Variants in TNKS1BP1 observed in about 807,000 individuals in gnomAD.
The protein encoded by TNKS1BP1 is CCR4-NOT transcription complex subunit 12.
TNKS1BP1 carries 48 observed loss-of-function variants against 141.1 expected under a neutral mutation model. The observed-to-expected ratio is 0.34, with a 90% CI of 0.27 to 0.43. The LOEUF is 0.43. TNKS1BP1 is among the 20% of genes least tolerant of loss of function. The probability of loss-of-function intolerance (pLI) is 1.00; values close to 1 mark genes in which losing one functional copy is unlikely to be tolerated. For missense variants in TNKS1BP1, 2,149 were observed against 2,226.0 expected, an observed-to-expected ratio of 0.97 and a Z score of 0.70; for synonymous variants, 875 against 898.2, an observed-to-expected ratio of 0.97 and a Z score of 0.46.
In TNKS1BP1 at chr11:57,308,492, G is replaced by C. The variant is rs1320163523; in HGVS notation, c.4219C>G (p.Pro1407Ala). Residue 1407 changes from proline (P) to alanine (A), a missense_variant, in exon 6 of 12, where the codon CCA becomes GCA. Physicochemically the swap from Pro to Ala is conservative, Grantham distance 27 (BLOSUM62 -1). Transcript: ENST00000358252. ...RELGVGETSGPETQGEDYSSS... is the reference protein window; with the variant it reads ...RELGVGETSGAETQGEDYSSS... ...GAGTAATCTTCACCCTGGGTCTCTG[G>C]CCCACTTGTCTCACCAACCCCCAGC... 3 of 1,614,124 alleles carry C rather than the reference G, an allele frequency of 1.9e-6. No homozygotes were observed.
chr11:57,320,590 C>A lies in TNKS1BP1; in HGVS notation c.217G>T (p.Ala73Ser). Residue 73 changes from alanine (A) to serine (S), a missense_variant, in exon 3 of 12, where the codon GCT becomes TCT. Coordinates refer to ENST00000358252, the MANE Select transcript of TNKS1BP1 (RefSeq NM_033396.3). Reference sequence around the variant, plus strand: ...ATCTTCCTGGCAGAAGGCAACTCAGCCAGGGGACCCCGGGGAGGCCGAGGC... The same window carrying A: ...ATCTTCCTGGCAGAAGGCAACTCAGACAGGGGACCCCGGGGAGGCCGAGGC... ...VGPRPPRGPL[A>S]ELPSARKMNM... 6.2e-7 allele frequency: 1 copy of A among 1,613,984 alleles called. No individual in the cohort carries two copies. The highest frequency in any genetic ancestry group is 1.1e-5 in the South Asian group (1 of 91,072).
rs762696509 is a variant in TNKS1BP1, at chr11:57,309,097, A to G, written c.3614T>C (p.Leu1205Pro). ...SGGLSLRDMN[L>P]TGCLESGGSE... ...CCCTCCACTTTCCAAACAGCCGGTCAGGTTCATGTCTCTCAAGCTCAGGCC... is the reference window on the plus strand; with the variant it reads ...CCCTCCACTTTCCAAACAGCCGGTCGGGTTCATGTCTCTCAAGCTCAGGCC... Residue 1205 changes from leucine (L) to proline (P), a missense_variant, in exon 6 of 12, where the codon CTG becomes CCG. Leu to Pro is a moderately conservative substitution (Grantham distance 98, BLOSUM62 -3). Transcript: ENST00000358252. This position sits in a 1 kb window ranked among gnomAD's most constrained non-coding sequence, Gnocchi z 4.3. The G allele has an allele frequency of 3.1e-5, 50 of 1,613,936 alleles. No homozygotes were observed. The highest frequency in any genetic ancestry group is 4.1e-5 in the Non-Finnish European group (48 of 1,180,012).
chr11:57,320,039 C>G, intron 3 of TNKS1BP1, 40 bp downstream of exon 3: 1 of 1,592,538 alleles, frequency 6.3e-7, no homozygotes, highest in Non-Finnish European at 8.6e-7. Context: ...CCCACCTGAC[C>G]TCCAGGCTGC....
rs141150470 is a variant in TNKS1BP1, at chr11:57,312,118, C to T, written c.2154+416G>A. Among the ~76,000 whole-genome samples the T allele has an allele frequency of 3.6e-3, 543 of 152,182 alleles. 2 individuals are homozygous for T. The highest frequency in any genetic ancestry group is 0.013 in the African/African-American group (523 of 41,552). On this transcript the variant is annotated intron_variant, in intron 5 of 11. Coordinates refer to ENST00000358252, the MANE Select transcript of TNKS1BP1 (RefSeq NM_033396.3). The stretch of plus-strand genomic sequence containing the variant: ...GCCAGGAGATGAACCCAGGAGCCCA[C>T]GCTCTAAATGGCTACACTATTTTGC...
chr11:57,313,974 G>A (rs1400299015), intron 4 of TNKS1BP1, 85 bp from the exon 5 acceptor site: 1 of 1,343,532 alleles, frequency 7.4e-7, no homozygotes, highest in Non-Finnish European at 9.6e-7. Flanking sequence ...CAGACCCCAG[G>A]TCAGCTTCTC....
chr11:57,302,753 G>A lies in TNKS1BP1; in HGVS notation c.4389C>T (p.Ser1463=). ...CCCTCCGAGCCACCGCCTTGGAGCTGCTGGCTGCCAGCATCTCCTCCAGCA... is the reference window on the plus strand; with the variant it reads ...CCCTCCGAGCCACCGCCTTGGAGCTACTGGCTGCCAGCATCTCCTCCAGCA... ...QGLLEEMLAA[S]SSKAVARRES... is the part of the protein sequence containing the mutation. The change falls in exon 7 of 12, where the codon AGC becomes AGT. Residue 1463 remains serine, a synonymous_variant. Transcript: ENST00000358252. This position sits in a 1 kb window ranked among gnomAD's most constrained non-coding sequence, Gnocchi z 5.5. 1.3e-6 allele frequency: 2 copies of A among 1,576,510 alleles called. No homozygotes were observed. Among genetic ancestry groups the A allele is most frequent in the East Asian group, 2.3e-5 (1 of 43,806 alleles).
intron 3 of TNKS1BP1, 57 bp downstream of exon 3, chr11:57,320,022 A>AAACC: frequency 4.5e-6 from 5 of 1,118,680 alleles, no homozygotes; most frequent in East Asian, 3.1e-5. Context: ...CCCCCACCCA[A>AAACC]TCCCACCCCA....
At chr11:57,315,288 C>T (rs1855781247) in intron 4 of TNKS1BP1, among the ~76,000 whole-genome samples, 1 of 151,832 alleles carries the variant, frequency 6.6e-6, no homozygotes, top group Non-Finnish European at 1.5e-5. Flanking sequence ...TTATTTTCAG[C>T]CCCTCTCATA....
intron 4 of TNKS1BP1, among the ~76,000 whole-genome samples, chr11:57,315,258 A>T (rs1432386874): frequency 1.3e-5 from 2 of 149,746 alleles, no homozygotes; most frequent in Non-Finnish European, 3.0e-5. Flanking sequence ...TGACCGGCTC[A>T]CTCTATTTCC....
chr11:57,323,820 G>A (rs1302194165), intron 1 of TNKS1BP1, among the ~76,000 whole-genome samples: 1 of 152,222 alleles, frequency 6.6e-6, no homozygotes, highest in Non-Finnish European at 1.5e-5. Context: ...AGTGTGGGTG[G>A]TTGGAGATGG....
At chr11:57,315,356 C>T (rs1043236417) in intron 4 of TNKS1BP1, among the ~76,000 whole-genome samples, 4 of 152,028 alleles carry the variant, frequency 2.6e-5, no homozygotes, top group African/African-American at 9.7e-5. Flanking sequence ...CATACCCTCA[C>T]CTCTCTTCTT....
chr11:57,320,020 C>CCCCCCCCA, intron 3 of TNKS1BP1, 59 bp downstream of exon 3: 5 of 1,213,894 alleles, frequency 4.1e-6, no homozygotes, highest in African/African-American at 1.5e-5. Flanking sequence ...AGCCCCCACC[C>CCCCCCCCA]AATCCCACCC....
rs545474995 is a variant in TNKS1BP1 at position 57,302,814 on chromosome 11, C to T, written c.4328G>A (p.Cys1443Tyr). The T allele has an allele frequency of 6.9e-5, 106 of 1,538,026 alleles. 1 individual carries two copies. In the African/African-American group the frequency reaches 1.3e-3, roughly 19 times the overall value. Residue 1443 changes from cysteine (C) to tyrosine (Y), a missense_variant, in exon 7 of 12, where the codon TGC becomes TAC. Cys to Tyr is a radical substitution (Grantham distance 194, BLOSUM62 -2). Coordinates refer to ENST00000358252, the MANE Select transcript of TNKS1BP1 (RefSeq NM_033396.3). The surrounding 1 kb of genome is among the most constrained non-coding windows in gnomAD (Gnocchi z 5.5). ...GCCGGAGGGTGGGGGGCGGGCCGGG[C>T]ACCTGCCAGGGCTGTAAAGGGGACA... Reference protein sequence around the residue: ...ALSFGASPGRCPARPPPSGSQ... With the variant: ...ALSFGASPGRYPARPPPSGSQ...
chr11:57,315,312 A>C (rs539524825), intron 4 of TNKS1BP1, among the ~76,000 whole-genome samples: 19 of 151,128 alleles, frequency 1.3e-4, no homozygotes, highest in African/African-American at 4.6e-4. Context: ...CAGCCCCTTA[A>C]CCCTAATTCT....
At position 57,312,620 on chromosome 11, in the gene TNKS1BP1, C is replaced by A; in HGVS notation, c.2068G>T (p.Ala690Ser). The A allele has an allele frequency of 6.4e-7, 1 of 1,571,516 alleles. No individual in the cohort carries two copies. Among genetic ancestry groups the A allele is most frequent in the Non-Finnish European group, 8.6e-7 (1 of 1,160,156 alleles). Residue 690 changes from alanine (A) to serine (S), a missense_variant, in exon 5 of 12, where the codon GCT becomes TCT. Coordinates refer to ENST00000358252, the MANE Select transcript of TNKS1BP1 (RefSeq NM_033396.3). The part of the protein sequence containing the change: ...SSSRWLDDLL[A>S]SPPPSGGGAR... Reference sequence around the variant, plus strand: ...CCGCCACCACTGGGTGGTGGTGAAGCCAGGAGGTCGTCCAGCCAGCGGGAG... The same window carrying A: ...CCGCCACCACTGGGTGGTGGTGAAGACAGGAGGTCGTCCAGCCAGCGGGAG...
chr11:57,321,107 A>C (rs1363972155), intron 2 of TNKS1BP1, among the ~76,000 whole-genome samples: 1 of 152,018 alleles, frequency 6.6e-6, no homozygotes, highest in Non-Finnish European at 1.5e-5. Context: ...CCATATTCCC[A>C]ATCTAGTTTT....
At position 57,308,965 on chromosome 11, in the gene TNKS1BP1, T is replaced by C. The variant is rs779153834; in HGVS notation, c.3746A>G (p.Gln1249Arg). Residue 1249 changes from glutamine (Q) to arginine (R), a missense_variant, in exon 6 of 12, where the codon CAG (glutamine) becomes CGG (arginine). Gln to Arg is a conservative substitution (Grantham distance 43). Transcript: ENST00000358252. ...CTGCCCCACGCCACTCTCTCTGGCC[T>C]GGCTGTGGCCTCCTCCCTCCCCGAC... ...AEVGEGGGHS[Q>R]ARESGVGQTD... The C allele has an allele frequency of 6.2e-6, 10 of 1,614,174 alleles. No homozygotes were observed. The South Asian group carries it at 8.8e-5, about 14-fold the overall frequency.
intron 2 of TNKS1BP1, 91 bp from the exon 3 acceptor site, chr11:57,320,803 C>A: frequency 7.2e-7 from 1 of 1,381,366 alleles, no homozygotes; most frequent in South Asian, 1.5e-5. Flanking sequence ...CTCCCACCCT[C>A]CGATTTAAGA....
rs2134362884 is a variant in TNKS1BP1 at position 57,312,930 on chromosome 11, T to C, written c.1758A>G (p.Ala586=). The change falls in exon 5 of 12, where the codon GCA becomes GCG. Residue 586 remains alanine, a synonymous_variant. Transcript: ENST00000358252. Reference sequence around the variant, plus strand: ...GCTCCTGCGACTCGTATCTCTCCTCTGCCTGCTGCAAAGGTAATCCAGGTG... The same window carrying C: ...GCTCCTGCGACTCGTATCTCTCCTCCGCCTGCTGCAAAGGTAATCCAGGTG... ...EGTPGLPLQQ[A]EERYESQEPL... 6.2e-7 allele frequency: 1 copy of C among 1,613,322 alleles called. No individual in the cohort carries two copies. The highest frequency in any genetic ancestry group is 2.2e-5 in the East Asian group (1 of 44,844).
Sources: allele counts gnomAD v4.1 joint callset (sites outside exome capture counted in the v4.1 genomes callset), GRCh38; gene constraint gnomAD v4.1.1; non-coding constraint Gnocchi (gnomAD v3.1); transcripts MANE v1.5; gene names NCBI Gene and HGNC (gene_info 2026-07-23, HGNC 2026-07-21).